TFF1: variants seen among roughly 807,000 people sequenced by gnomAD.
TFF1 encodes the protein trefoil factor 1, also known as breast cancer estrogen-inducible protein.
TFF1 carries 8 observed loss-of-function variants against 7.7 expected under a neutral mutation model. That is an observed-to-expected ratio of 1.04 (90% confidence interval 0.61 to 1.87). TFF1 has a LOEUF of 1.87. Among genes scored for constraint, TFF1 ranks in the 40% most tolerant of loss-of-function variants. The pLI, the probability that TFF1 is intolerant of heterozygous loss-of-function variation, is 0.00. For synonymous variants in TFF1, 47 were observed against 44.8 expected (o/e 1.05, Z -0.19); for missense variants, 120 against 113.4 (o/e 1.06, Z -0.26).
intron 1 of TFF1, among the ~76,000 whole-genome samples, chr21:42,365,353 C>T (rs929279696): frequency 6.6e-5 from 10 of 152,096 alleles, no homozygotes; most frequent in Non-Finnish European, 2.9e-5. Flanking sequence ...TTCTGTACAC[C>T]GAGGCCACTT....
At chr21:42,364,748 C>G (rs1369701097) in intron 1 of TFF1, among the ~76,000 whole-genome samples, 4 of 152,194 alleles carry the variant, frequency 2.6e-5, no homozygotes, top group Admixed American at 6.5e-5. Context: ...AGGGGCTGTT[C>G]TCTTGTCTGC....
chr21:42,363,704 A>T (rs967592089), intron 1 of TFF1, among the ~76,000 whole-genome samples: 18 of 152,344 alleles, frequency 1.2e-4, no homozygotes, highest in African/African-American at 3.8e-4. Context: ...ATACATAAAT[A>T]TTTACTGAGC....
Position 42,362,336 on chromosome 21 carries a change from C to T in TFF1, c.*143G>A, listed in dbSNP as rs567140888. On this transcript the variant is annotated 3_prime_UTR_variant, in exon 3 of 3. Coordinates refer to ENST00000291527, the MANE Select transcript of TFF1 (RefSeq NM_003225.3). ...CAATTTTGAGTAGTCAAAGTCAGAG[C>T]AGTCAATCTGTGTTGTGAGCCGAGG... is the stretch of plus-strand genomic sequence containing the variant. 1.3e-4 allele frequency: 112 copies of T among 856,102 alleles called. No homozygotes were observed. Among genetic ancestry groups the T allele is most frequent in the Admixed American group, 1.1e-3 (38 of 33,620 alleles). The allele number at this position is 856,102 out of a possible 1,614,324, so 53.0% of individuals were successfully genotyped here.
In TFF1 at chr21:42,365,748, T is replaced by C. The variant is rs531260213; in HGVS notation, c.85+663A>G. On this transcript the variant is annotated intron_variant, in intron 1 of 2. Coordinates refer to ENST00000291527, the MANE Select transcript of TFF1 (RefSeq NM_003225.3). Reference sequence around the variant, plus strand: ...TTGATCCATTCTGCAGGTAAAGGAGTTGAGATGCAAACACTTCCCAAGGAA... The same window carrying C: ...TTGATCCATTCTGCAGGTAAAGGAGCTGAGATGCAAACACTTCCCAAGGAA... Among the ~76,000 whole-genome samples the C allele has an allele frequency of 6.6e-5, 10 of 151,836 alleles. No individual in the cohort carries two copies. In the East Asian group the frequency reaches 1.9e-3, roughly 29 times the overall value.
At chr21:42,365,475 C>T (rs375176241) in intron 1 of TFF1, among the ~76,000 whole-genome samples, 5 of 152,258 alleles carry the variant, frequency 3.3e-5, no homozygotes, top group South Asian at 2.1e-4. Flanking sequence ...CCCTCAGGCC[C>T]GGTACCCCAC....
At chr21:42,364,008 G>C (rs73370381) in intron 1 of TFF1, among the ~76,000 whole-genome samples, 4,832 of 151,886 alleles carry the variant, frequency 0.032, 197 homozygotes, top group African/African-American at 0.088. Flanking sequence ...TTGGGAGGCT[G>C]AGGCAGGAGA....
intron 1 of TFF1, among the ~76,000 whole-genome samples, chr21:42,364,106 C>CAAAAAA (rs34872461): frequency 1.8e-5 from 2 of 112,834 alleles, no homozygotes; most frequent in African/African-American, 6.5e-5. Context: ...GACTCCATCT[C>CAAAAAA]AAAAAAAAAA....
In TFF1 at chr21:42,362,427, C is replaced by T. The variant is rs1050140832; in HGVS notation, c.*52G>A. 4.2e-5 allele frequency: 65 copies of T among 1,557,452 alleles called. No homozygotes were observed. Among genetic ancestry groups the T allele is most frequent in the Non-Finnish European group, 5.5e-5 (63 of 1,152,348 alleles). On this transcript the variant is annotated 3_prime_UTR_variant, in exon 3 of 3. Transcript: ENST00000291527. ...GCAGCCGAGCTCTGGGACTAATCAC[C>T]GTGCTGGGGACGGCACCGCGTCAGG...
Position 42,363,128 on chromosome 21 carries a change from C to T in TFF1, c.238+127G>A, listed in dbSNP as rs986377153. ...GCCTGACTCAGGCTACCCCATTGCA[C>T]CACCACTGGCGGCCGTGACTCTGTG... is the stretch of plus-strand genomic sequence containing the variant. On this transcript the variant is annotated intron_variant, in intron 2 of 2. Coordinates refer to ENST00000291527, the MANE Select transcript of TFF1 (RefSeq NM_003225.3). 2.3e-5 allele frequency: 29 copies of T among 1,262,514 alleles called. No individual in the cohort carries two copies. In the Admixed American group the frequency reaches 6.1e-4, roughly 27 times the overall value. 78.2% of individuals were successfully genotyped at this position (1,262,514 alleles called of 1,614,324 possible).
At chr21:42,365,015 C>A (rs1395348243) in intron 1 of TFF1, among the ~76,000 whole-genome samples, 1 of 152,160 alleles carries the variant, frequency 6.6e-6, no homozygotes, top group Non-Finnish European at 1.5e-5. Flanking sequence ...AGATTTCCAG[C>A]CCCGGTGCTC....
chr21:42,364,298 A>T (rs1328526958), intron 1 of TFF1, among the ~76,000 whole-genome samples: 2 of 152,084 alleles, frequency 1.3e-5, no homozygotes, highest in African/African-American at 4.8e-5. Context: ...CCAGGTGAAG[A>T]TGGAGCCGCA....
intron 1 of TFF1, among the ~76,000 whole-genome samples, chr21:42,364,560 C>A (rs143846137): frequency 3.3e-5 from 5 of 152,120 alleles, no homozygotes; most frequent in Non-Finnish European, 7.4e-5. Flanking sequence ...CTGAGCTCCG[C>A]GGAATCAAAG....
At chr21:42,365,324 C>T (rs1404333993) in intron 1 of TFF1, among the ~76,000 whole-genome samples, 1 of 152,058 alleles carries the variant, frequency 6.6e-6, no homozygotes, top group Non-Finnish European at 1.5e-5. Context: ...GTGGCCAGCA[C>T]GGGGACCCAC....
intron 2 of TFF1, among the ~76,000 whole-genome samples, 177 bp downstream of exon 2, chr21:42,363,078 C>T (rs957914929): frequency 2.0e-5 from 3 of 152,084 alleles, no homozygotes; most frequent in East Asian, 1.9e-4. Flanking sequence ...TTAGCCCTGC[C>T]TTTCTATTCC....
chr21:42,363,363 G>A lies in TFF1; in HGVS notation c.130C>T (p.Pro44Ser). 1 of 1,614,152 alleles carries A rather than the reference G, an allele frequency of 6.2e-7. No homozygotes were observed. ...APRERQNCGFPGVTPSQCANK... is the reference protein window; with the variant it reads ...APRERQNCGFSGVTPSQCANK... ...GCACACTGGGAGGGCGTGACACCAG[G>A]AAAACCACAATTCTGTCTTTCACGG... The change falls in exon 2 of 3, where the codon CCT becomes TCT. Residue 44 changes from proline to serine, a missense_variant. By Grantham distance (74) the Pro-to-Ser change is moderately conservative. Transcript: ENST00000291527.
In TFF1 at chr21:42,362,399, G is replaced by T; in HGVS notation, c.*80C>A. The T allele has an allele frequency of 6.6e-7, 1 of 1,506,352 alleles. No homozygotes were observed. The highest frequency in any genetic ancestry group is 9.0e-7 in the Non-Finnish European group (1 of 1,112,354). The allele number at this position is 1,506,352 out of a possible 1,614,324, so 93.3% of individuals were successfully genotyped here. A position where few individuals can be genotyped will look rare whatever the true frequency, so the allele number is the denominator to read the frequency against. On this transcript the variant is annotated 3_prime_UTR_variant, in exon 3 of 3. Coordinates refer to ENST00000291527, the MANE Select transcript of TFF1 (RefSeq NM_003225.3). The stretch of plus-strand genomic sequence containing the variant: ...AGCGTGTCTGAGGTGTCCGGTGGAG[G>T]TGGCAGCCGAGCTCTGGGACTAATC...
intron 1 of TFF1, among the ~76,000 whole-genome samples, chr21:42,365,063 C>T (rs1335002042): frequency 6.6e-6 from 1 of 152,174 alleles, no homozygotes; most frequent in African/African-American, 2.4e-5. Context: ...CCCGCTTTGT[C>T]TTTGTCGCAT....
Position 42,362,330 on chromosome 21 carries a change from T to A in TFF1, c.*149A>T. 1.2e-6 allele frequency: 1 copy of A among 823,446 alleles called. No homozygotes were observed. The highest frequency in any genetic ancestry group is 1.7e-5 in the South Asian group (1 of 58,228). 51.0% of individuals were successfully genotyped at this position (823,446 alleles called of 1,614,324 possible). A position where few individuals can be genotyped will look rare whatever the true frequency, so the allele number is the denominator to read the frequency against. ...TTAGGCCAATTTTGAGTAGTCAAAG[T>A]CAGAGCAGTCAATCTGTGTTGTGAG... On this transcript the variant is annotated 3_prime_UTR_variant, in exon 3 of 3. Transcript: ENST00000291527.
At position 42,362,432 on chromosome 21, in the gene TFF1, T is replaced by G. The variant is rs1486866937; in HGVS notation, c.*47A>C. 1 of 1,562,654 alleles carries G rather than the reference T, an allele frequency of 6.4e-7. No homozygotes were observed. Among genetic ancestry groups the G allele is most frequent in the South Asian group, 1.2e-5 (1 of 84,142 alleles). On this transcript the variant is annotated 3_prime_UTR_variant, in exon 3 of 3. Coordinates refer to ENST00000291527, the MANE Select transcript of TFF1 (RefSeq NM_003225.3). ...CGAGCTCTGGGACTAATCACCGTGCTGGGGACGGCACCGCGTCAGGATGCA... is the reference window on the plus strand; with the variant it reads ...CGAGCTCTGGGACTAATCACCGTGCGGGGGACGGCACCGCGTCAGGATGCA...
Sources: allele counts gnomAD v4.1 joint callset (sites outside exome capture counted in the v4.1 genomes callset), GRCh38; gene constraint gnomAD v4.1.1; transcripts MANE v1.5; gene names NCBI Gene and HGNC (gene_info 2026-07-23, HGNC 2026-07-21).